The following RBPJ variants were observed in gnomAD, a reference collection of about 807,000 sequenced individuals.
The protein encoded by RBPJ is recombining binding protein suppressor of hairless.
Under a neutral mutation model 67.8 loss-of-function variants are expected in RBPJ, and 9 were observed. The ratio of observed to expected loss-of-function variants is 0.13; its 90% CI spans 0.08 to 0.23. The LOEUF (loss-of-function observed/expected upper bound fraction) is 0.23. Ranked by LOEUF, RBPJ falls within the 10% of genes least tolerant of loss-of-function variation. RBPJ has a pLI of 1.00. For synonymous variants in RBPJ, 198 were observed against 203.3 expected (o/e 0.97, Z 0.22); for missense variants, 305 against 595.6 (o/e 0.51, Z 5.08).
At chr4:26,123,628 C>T in the RBPJ span, among the ~76,000 whole-genome samples, 1 of 152,186 alleles carries the variant, frequency 6.6e-6, no homozygotes, top group African/African-American at 2.4e-5. Context: ...TTAAAATACA[C>T]ATCGTACAGC....
intron 1 of RBPJ, among the ~76,000 whole-genome samples, chr4:26,367,220 C>T (rs920242397): frequency 6.6e-6 from 1 of 152,118 alleles, no homozygotes; most frequent in Admixed American, 6.5e-5. Context: ...CAGTTGCTCA[C>T]GCCTGTAATC....
intron 1 of RBPJ, among the ~76,000 whole-genome samples, chr4:26,227,087 A>G (rs760862483): frequency 6.6e-6 from 1 of 152,210 alleles, no homozygotes; most frequent in Non-Finnish European, 1.5e-5. Context: ...GAATGTTTGC[A>G]CAGCAACATT....
chr4:26,227,368 A>G (rs1719111570), intron 1 of RBPJ, among the ~76,000 whole-genome samples: 1 of 152,192 alleles, frequency 6.6e-6, no homozygotes, highest in African/African-American at 2.4e-5. Context: ...TGTATAATAA[A>G]TGGAAAATAA....
At chr4:26,138,060 C>CATAGCTATCTGCTGCT in the RBPJ span, among the ~76,000 whole-genome samples, 10,881 of 152,180 alleles carry the variant, frequency 0.072, 509 homozygotes, top group Non-Finnish European at 0.11. Context: ...CTGGCACTGT[C>CATAGCTATCTGCTGCT]ATAGCTATCT....
rs892574942 is a variant in RBPJ, at chr4:26,357,244, A to T, written c.21-29109A>T. ...CTAGGCTTTTGAGGATAGGTGATTG[A>T]CTATAGGACTGTTACAGTGATCCTG... On this transcript the variant is annotated intron_variant, in intron 1 of 10. Coordinates refer to ENST00000355476, the MANE Select transcript of RBPJ (RefSeq NM_015874.6). Among the ~76,000 whole-genome samples, 7 of 152,190 alleles carry T rather than the reference A, an allele frequency of 4.6e-5. No homozygotes were observed. The East Asian group carries it at 1.3e-3, about 29-fold the overall frequency.
chr4:26,165,208 T>G (rs10004084), intron 1 of RBPJ, among the ~76,000 whole-genome samples: 1 of 152,056 alleles, frequency 6.6e-6, no homozygotes. Flanking sequence ...GTACAGAAAT[T>G]TGGACATCCA....
chr4:26,183,321 A>G (rs930116294), intron 1 of RBPJ, among the ~76,000 whole-genome samples: 2 of 152,226 alleles, frequency 1.3e-5, no homozygotes, highest in Non-Finnish European at 2.9e-5. Context: ...TATGTGGCCC[A>G]TCATCCACAG....
In RBPJ at chr4:26,357,298, G is replaced by A. The variant is rs545921091; in HGVS notation, c.21-29055G>A. 5.3e-5 allele frequency among the ~76,000 whole-genome samples: 8 copies of A among 152,248 alleles called. No homozygotes were observed. In the East Asian group the frequency reaches 7.7e-4, roughly 15 times the overall value. On this transcript the variant is annotated intron_variant, in intron 1 of 10. Transcript: ENST00000355476. ...TGTAAGGAAGAACTTAATGAAGGCCGAGGCATTAGAAATAAAAGAAAGGCA... is the reference window on the plus strand; with the variant it reads ...TGTAAGGAAGAACTTAATGAAGGCCAAGGCATTAGAAATAAAAGAAAGGCA...
chr4:26,233,056 A>T (rs535615852), intron 1 of RBPJ, among the ~76,000 whole-genome samples: 63 of 152,364 alleles, frequency 4.1e-4, no homozygotes, highest in Non-Finnish European at 7.5e-4. Flanking sequence ...CTCCAGATGT[A>T]CAAGTAGTGT....
intron 4 of RBPJ, 85 bp from the exon 5 acceptor site, chr4:26,420,466 C>T: frequency 6.9e-6 from 6 of 875,330 alleles, no homozygotes; most frequent in East Asian, 3.0e-5. Context: ...TTACTTATTA[C>T]TTAAACCATG....
intron 1 of RBPJ, among the ~76,000 whole-genome samples, chr4:26,247,630 G>A (rs781493309): frequency 1.3e-5 from 2 of 151,792 alleles, no homozygotes; most frequent in South Asian, 2.1e-4. Context: ...GGCTGGTCTC[G>A]AACTCCCAAC....
At chr4:26,367,816 G>A (rs191374293) in intron 1 of RBPJ, 2 of 152,296 alleles carry the variant, frequency 1.3e-5, no homozygotes, top group East Asian at 1.9e-4. Flanking sequence ...TCAAAGCAGG[G>A]TGGTATCAGC....
intron 1 of RBPJ, among the ~76,000 whole-genome samples, chr4:26,227,604 T>C (rs1719120321): frequency 6.6e-6 from 1 of 152,132 alleles, no homozygotes; most frequent in Admixed American, 6.5e-5. Context: ...TCTGAATGCA[T>C]GCATTTATTC....
chr4:26,238,981 C>T (rs1286168663), intron 1 of RBPJ, among the ~76,000 whole-genome samples: 1 of 152,118 alleles, frequency 6.6e-6, no homozygotes, highest in African/African-American at 2.4e-5. Flanking sequence ...TTGGCAGGAA[C>T]AGGGCGGCAC....
intron 1 of RBPJ, among the ~76,000 whole-genome samples, chr4:26,290,713 G>A (rs1462774081): frequency 6.6e-6 from 1 of 150,798 alleles, no homozygotes; most frequent in Non-Finnish European, 1.5e-5. Flanking sequence ...CTTCTTTTAA[G>A]CACTCGAGTT....
At chr4:26,379,635 T>C (rs1357319701) in intron 1 of RBPJ, among the ~76,000 whole-genome samples, 1 of 152,144 alleles carries the variant, frequency 6.6e-6, no homozygotes, top group Non-Finnish European at 1.5e-5. Flanking sequence ...CATGATCACC[T>C]GCTACCAGGT....
intron 1 of RBPJ, among the ~76,000 whole-genome samples, chr4:26,303,178 CAAAAAATA>C (rs1722126616): frequency 2.1e-5 from 2 of 97,420 alleles, no homozygotes; most frequent in African/African-American, 8.3e-5. Flanking sequence ...GCAACCCTGT[CAAAAAATA>C]AATAAATAAA....
intron 1 of RBPJ, among the ~76,000 whole-genome samples, chr4:26,356,738 T>G (rs529877909): frequency 1.4e-4 from 22 of 152,364 alleles, no homozygotes; most frequent in African/African-American, 5.3e-4. Context: ...GATGTTTTTC[T>G]CTTTTAGAAA....
At chr4:26,200,620 G>A (rs906476770) in intron 1 of RBPJ, among the ~76,000 whole-genome samples, 15 of 151,806 alleles carry the variant, frequency 9.9e-5, no homozygotes, top group East Asian at 9.7e-4. Flanking sequence ...GCAGTCAGCC[G>A]TGACTGCATC....
Sources: gnomAD v4.1 joint callset for allele counts (sites outside exome capture counted in the v4.1 genomes callset) on GRCh38, gnomAD v4.1.1 for gene constraint, MANE v1.5 for transcripts, NCBI Gene and HGNC (gene_info 2026-07-23, HGNC 2026-07-21) for gene names.